ZNF25: variants seen among roughly 807,000 people sequenced by gnomAD.
The protein encoded by ZNF25 is zinc finger protein 25 (KOX 19).
ZNF25 carries 21 observed loss-of-function variants against 30.9 expected under a neutral mutation model. The ratio of observed to expected loss-of-function variants is 0.68; its 90% CI spans 0.48 to 0.98. ZNF25 has a LOEUF of 0.98. Ranked by LOEUF, ZNF25 falls within the 50% of genes least tolerant of loss-of-function variation. ZNF25 has a pLI of 0.00. For synonymous variants in ZNF25, 169 were observed against 181.3 expected, an observed-to-expected ratio of 0.93 and a Z score of 0.55; for missense variants, 501 against 529.9, an observed-to-expected ratio of 0.95 and a Z score of 0.54.
At position 37,951,905 on chromosome 10, in the gene ZNF25, G is replaced by A. The variant is rs1014298191; in HGVS notation, c.*222C>T. The A allele has an allele frequency of 7.3e-6, 3 of 411,792 alleles. No individual in the cohort carries two copies. Among genetic ancestry groups the A allele is most frequent in the Admixed American group, 4.1e-5 (1 of 24,550 alleles). The allele number at this position is 411,792 out of a possible 1,614,324, so 25.5% of individuals were successfully genotyped here. ...CTGTTTTACAATTTGCATGACTTCT[G>A]CCATCTATATTATCTAATATTTAGA... is the stretch of plus-strand genomic sequence containing the variant. On this transcript the variant is annotated 3_prime_UTR_variant, in exon 6 of 6. Coordinates refer to ENST00000302609, the MANE Select transcript of ZNF25 (RefSeq NM_145011.4).
rs533916068 is a variant in ZNF25, at chr10:37,972,587, G to T, written c.-85-780C>A. Among the ~76,000 whole-genome samples, 231 of 152,270 alleles carry T rather than the reference G, an allele frequency of 1.5e-3. 2 individuals carry two copies. Among genetic ancestry groups the T allele is most frequent in the Middle Eastern group, 0.01 (3 of 294 alleles). ...GAACTCTGACTTGAGAATCTAATCT[G>T]CTGACAGTGACACAAATCTACCTTC... On this transcript the variant is annotated intron_variant, in intron 1 of 5. Transcript: ENST00000302609.
At chr10:37,966,368 C>T (rs527337452) in intron 2 of ZNF25, among the ~76,000 whole-genome samples, 60 of 151,488 alleles carry the variant, frequency 4.0e-4, no homozygotes, top group African/African-American at 1.4e-3. Flanking sequence ...GAGCCAAGAT[C>T]GCACCACTGC....
At chr10:37,975,009 C>A (rs1394440591) in intron 1 of ZNF25, among the ~76,000 whole-genome samples, 2 of 152,078 alleles carry the variant, frequency 1.3e-5, no homozygotes, top group African/African-American at 2.4e-5. Flanking sequence ...ATAAGCCAGG[C>A]ACAGAAAGAC....
rs1047182714 is a variant in ZNF25, at chr10:37,952,735, C to T, written c.763G>A (p.Glu255Lys). 1.2e-6 allele frequency: 2 copies of T among 1,614,076 alleles called. No individual in the cohort carries two copies. The highest frequency in any genetic ancestry group is 2.7e-5 in the African/African-American group (2 of 75,008). The part of the protein sequence containing the change: ...LMVHQKTHTG[E>K]KPYECKECGK... ...CACTCCTTACACTCATAGGGTTTCT[C>T]CCCTGTGTGTGTTTTCTGATGTACC... The change falls in exon 6 of 6, where the codon GAG becomes AAG. Residue 255 changes from glutamate to lysine, a missense_variant. Coordinates refer to ENST00000302609, the MANE Select transcript of ZNF25 (RefSeq NM_145011.4).
chr10:37,966,793 G>T (rs1240304729), intron 2 of ZNF25, among the ~76,000 whole-genome samples: 1 of 152,054 alleles, frequency 6.6e-6, no homozygotes, highest in Non-Finnish European at 1.5e-5. Flanking sequence ...AGGAATTAAA[G>T]GAAAATATAT....
At chr10:37,964,183 C>T (rs2063054073) in intron 2 of ZNF25, among the ~76,000 whole-genome samples, 1 of 152,094 alleles carries the variant, frequency 6.6e-6, no homozygotes. Context: ...AACCTCTTTT[C>T]TTTATAAATG....
At chr10:37,961,919 T>C (rs1590244192) in intron 2 of ZNF25, among the ~76,000 whole-genome samples, 1 of 67,318 alleles carries the variant, frequency 1.5e-5, no homozygotes, top group African/African-American at 5.9e-5. Context: ...TGAAACTCCA[T>C]CTCAAAAAAA....
chr10:37,972,042 G>A (rs886900559), intron 1 of ZNF25, among the ~76,000 whole-genome samples: 25 of 151,988 alleles, frequency 1.6e-4, no homozygotes, highest in African/African-American at 5.8e-4. Context: ...CAAAAGAATC[G>A]AAAACTTAAA....
At chr10:37,959,004 G>A (rs536019761) in intron 2 of ZNF25, among the ~76,000 whole-genome samples, 27 of 152,312 alleles carry the variant, frequency 1.8e-4, no homozygotes, top group Admixed American at 9.2e-4. Flanking sequence ...AGCCAAGATC[G>A]TGCCACTGAA....
chr10:37,966,321 C>T (rs980221044), intron 2 of ZNF25, among the ~76,000 whole-genome samples: 11 of 151,558 alleles, frequency 7.3e-5, no homozygotes, highest in African/African-American at 2.2e-4. Context: ...GGCTGAACCA[C>T]GAGAATCTCT....
intron 2 of ZNF25, among the ~76,000 whole-genome samples, chr10:37,970,611 C>CAAACA (rs548077122): frequency 3.9e-5 from 6 of 152,082 alleles, no homozygotes; most frequent in South Asian, 2.1e-4. Context: ...TTTAAATGAG[C>CAAACA]AAACAAAACA....
chr10:37,951,906 C>T lies in ZNF25; in HGVS notation c.*221G>A, dbSNP rs918991425. On this transcript the variant is annotated 3_prime_UTR_variant, in exon 6 of 6. Coordinates refer to ENST00000302609, the MANE Select transcript of ZNF25 (RefSeq NM_145011.4). ...TGTTTTACAATTTGCATGACTTCTG[C>T]CATCTATATTATCTAATATTTAGAA... 7.3e-6 allele frequency: 3 copies of T among 411,424 alleles called. No individual in the cohort carries two copies. The highest frequency in any genetic ancestry group is 7.1e-5 in the East Asian group (2 of 28,098). 25.5% of individuals were successfully genotyped at this position (411,424 alleles called of 1,614,324 possible).
rs1458309655 is a variant in ZNF25, at chr10:37,951,397, TTAATG to T, written c.*725_*729del. 6.6e-6 allele frequency: 1 copy of T among 152,330 alleles called. No individual in the cohort carries two copies. The highest frequency in any genetic ancestry group is 1.5e-5 in the Non-Finnish European group (1 of 68,020). The allele number at this position is 152,330 out of a possible 1,614,324, so 9.4% of individuals were successfully genotyped here. ...CAAAATCCTATATGCTAACAGACAT[TTAATG>T]TATGTTTAATGATGTTGCCTGATAA... is the stretch of plus-strand genomic sequence containing the variant. On this transcript the variant is annotated 3_prime_UTR_variant, in exon 6 of 6. Coordinates refer to ENST00000302609, the MANE Select transcript of ZNF25 (RefSeq NM_145011.4).
At position 37,951,262 on chromosome 10, in the gene ZNF25, AAT is replaced by A. The variant is rs1411205913; in HGVS notation, c.*863_*864del. On this transcript the variant is annotated 3_prime_UTR_variant, in exon 6 of 6. Coordinates refer to ENST00000302609, the MANE Select transcript of ZNF25 (RefSeq NM_145011.4). ...TAATGTGCAACATCTTCATACACAT[AAT>A]AGTTACTGAACTAAGATTATATTAT... 1 of 152,352 alleles carries A rather than the reference AAT, an allele frequency of 6.6e-6. No homozygotes were observed. Among genetic ancestry groups the A allele is most frequent in the African/African-American group, 2.4e-5 (1 of 41,456 alleles). The allele number at this position is 152,352 out of a possible 1,614,324, so 9.4% of individuals were successfully genotyped here.
At chr10:37,963,939 C>T (rs753054567) in intron 2 of ZNF25, among the ~76,000 whole-genome samples, 3 of 152,158 alleles carry the variant, frequency 2.0e-5, no homozygotes, top group Non-Finnish European at 2.9e-5. Flanking sequence ...CATGCCACTG[C>T]ACTCCAGCCT....
At chr10:37,971,672 C>CAG in intron 2 of ZNF25, 36 bp downstream of exon 2, 2 of 1,603,696 alleles carry the variant, frequency 1.2e-6, no homozygotes, top group South Asian at 1.1e-5. Flanking sequence ...CACACACACA[C>CAG]AGTGAAACAA....
intron 5 of ZNF25, 54 bp from the exon 6 acceptor site, chr10:37,953,249 T>TC (rs2062291406): frequency 1.3e-6 from 2 of 1,490,132 alleles, no homozygotes. Flanking sequence ...GGCTTTTTGT[T>TC]CCCCCTGCTC....
In ZNF25 at chr10:37,953,195, C is replaced by A. The variant is rs776105918; in HGVS notation, c.303G>T (p.Arg101Ser). The A allele has an allele frequency of 1.9e-6, 3 of 1,571,386 alleles. No homozygotes were observed. The highest frequency in any genetic ancestry group is 1.4e-5 in the African/African-American group (1 of 72,444). ...RYQESQAGNSRNGELTKHQKT... is the reference protein window; with the variant it reads ...RYQESQAGNSSNGELTKHQKT... ...TCTGATGTTTTGTGAGTTCTCCATT[C>A]CTAGACAGAAAGTTCCACATTCATT... Residue 101 changes from arginine (R) to serine (S), a missense_variant and splice_region_variant, in exon 6 of 6, where the codon AGG (arginine) becomes AGT (serine). Transcript: ENST00000302609.
chr10:37,972,321 T>C (rs1192011464), intron 1 of ZNF25, among the ~76,000 whole-genome samples: 5 of 152,346 alleles, frequency 3.3e-5, no homozygotes, highest in South Asian at 2.1e-4. Context: ...AAATATGATA[T>C]AATGAACTTA....
Sources: gnomAD v4.1 joint callset for allele counts (sites outside exome capture counted in the v4.1 genomes callset) on GRCh38, gnomAD v4.1.1 for gene constraint, MANE v1.5 for transcripts, NCBI Gene and HGNC (gene_info 2026-07-23, HGNC 2026-07-21) for gene names.